CDH13: variants seen among roughly 807,000 people sequenced by gnomAD.
CDH13 encodes cadherin 13.
A neutral mutation model predicts 63.8 loss-of-function variants in CDH13; 24 were observed. The observed-to-expected ratio is 0.38, with a 90% confidence interval of 0.27 to 0.53. The LOEUF (loss-of-function observed/expected upper bound fraction) is 0.53, where lower values mean the gene tolerates loss of function less well. Ranked by LOEUF, CDH13 falls within the 20% of genes least tolerant of loss-of-function variation. The pLI is 0.85. For missense variants in CDH13, 1,049 were observed against 903.1 expected (o/e 1.16, Z -2.07); for synonymous variants, 503 against 355.3 (o/e 1.42, Z -4.67).
At chr16:83,094,443 G>C (rs12928063) in intron 3 of CDH13, among the ~76,000 whole-genome samples, 4 of 152,026 alleles carry the variant, frequency 2.6e-5, no homozygotes, top group Non-Finnish European at 5.9e-5. Context: ...ACCCTGCAGA[G>C]AGCTTTAAGA....
intron 2 of CDH13, among the ~76,000 whole-genome samples, chr16:82,903,605 C>G (rs1400550016): frequency 6.6e-6 from 1 of 152,172 alleles, no homozygotes; most frequent in Non-Finnish European, 1.5e-5. Flanking sequence ...TAGTCGTGAG[C>G]TAACTGGAAA....
At chr16:83,003,717 G>A (rs191794359) in intron 2 of CDH13, among the ~76,000 whole-genome samples, 5 of 152,332 alleles carry the variant, frequency 3.3e-5, no homozygotes, top group East Asian at 1.9e-4. Flanking sequence ...TTAGAGCACA[G>A]AGAAGATTAC....
chr16:83,149,622 C>T (rs559622529), intron 4 of CDH13, among the ~76,000 whole-genome samples: 1 of 152,258 alleles, frequency 6.6e-6, no homozygotes, highest in East Asian at 1.9e-4. Context: ...ACTAAACATT[C>T]AAAACAGTGG....
At chr16:82,670,522 C>G (rs939711612) in intron 1 of CDH13, among the ~76,000 whole-genome samples, 4 of 152,152 alleles carry the variant, frequency 2.6e-5, no homozygotes, top group African/African-American at 7.2e-5. Context: ...CCATGCACTA[C>G]CCAGGTTTGC....
chr16:83,742,408 T>C (rs566358170), intron 10 of CDH13, among the ~76,000 whole-genome samples: 19 of 152,262 alleles, frequency 1.2e-4, no homozygotes, highest in Non-Finnish European at 2.2e-4. Context: ...CAGGCTGAAA[T>C]GAGCTCAGCT....
intron 8 of CDH13, among the ~76,000 whole-genome samples, chr16:83,645,868 A>G (rs1389759420): frequency 6.6e-6 from 1 of 152,212 alleles, no homozygotes. Flanking sequence ...AAGATCCTTC[A>G]TCATACACAA....
chr16:83,417,914 C>G (rs1020385224), intron 6 of CDH13, among the ~76,000 whole-genome samples: 2 of 152,074 alleles, frequency 1.3e-5, no homozygotes, highest in Non-Finnish European at 1.5e-5. Context: ...GAAATCATAA[C>G]TGTTTTCCCC....
At chr16:83,669,793 C>T (rs1567502097) in intron 8 of CDH13, among the ~76,000 whole-genome samples, 1 of 152,188 alleles carries the variant, frequency 6.6e-6, no homozygotes, top group Non-Finnish European at 1.5e-5. Flanking sequence ...TCTCTAGATT[C>T]ACTTTCCTAC....
chr16:83,174,334 T>C (rs75726537), intron 4 of CDH13, among the ~76,000 whole-genome samples: 5,502 of 152,242 alleles, frequency 0.036, 322 homozygotes, highest in African/African-American at 0.12. Flanking sequence ...CCCATCTTCT[T>C]ACTTGGCACT....
intron 1 of CDH13, among the ~76,000 whole-genome samples, chr16:82,635,068 G>C (rs866684677): frequency 6.6e-6 from 1 of 152,178 alleles, no homozygotes; most frequent in African/African-American, 2.4e-5. Context: ...AGCTGTGTGA[G>C]GTCATGCCGT....
chr16:83,107,854 C>G (rs1048453207), intron 3 of CDH13, among the ~76,000 whole-genome samples: 1 of 151,462 alleles, frequency 6.6e-6, no homozygotes, highest in African/African-American at 2.4e-5. Flanking sequence ...GCATCTCGCT[C>G]TGTTGCCCAG....
At chr16:83,356,301 C>T (rs1216604287) in intron 6 of CDH13, among the ~76,000 whole-genome samples, 1 of 148,546 alleles carries the variant, frequency 6.7e-6, no homozygotes, top group Admixed American at 6.8e-5. Flanking sequence ...ACCAACCTTC[C>T]TTAGTCATTT....
intron 7 of CDH13, among the ~76,000 whole-genome samples, chr16:83,570,141 G>T (rs754907247): frequency 2.6e-5 from 4 of 152,126 alleles, no homozygotes; most frequent in Admixed American, 6.5e-5. Context: ...AAGCTCTATT[G>T]TTGGCCAGAA....
chr16:82,846,517 A>T (rs2039263478), intron 1 of CDH13, among the ~76,000 whole-genome samples: 1 of 152,196 alleles, frequency 6.6e-6, no homozygotes, highest in Admixed American at 6.5e-5. Flanking sequence ...CAGATGAGGA[A>T]ACTAAGGCAA....
At chr16:83,339,613 G>A (rs953684024) in intron 5 of CDH13, among the ~76,000 whole-genome samples, 13 of 152,106 alleles carry the variant, frequency 8.5e-5, no homozygotes, top group African/African-American at 2.9e-4. Flanking sequence ...CGGATCTGGT[G>A]TGTCAGCAGG....
chr16:83,475,549 G>C (rs763215666), intron 6 of CDH13, among the ~76,000 whole-genome samples: 4 of 152,118 alleles, frequency 2.6e-5, no homozygotes, highest in Non-Finnish European at 4.4e-5. Context: ...TCTCATTCTA[G>C]CCTAGCCTAA....
chr16:82,806,009 G>A (rs753542718), intron 1 of CDH13, among the ~76,000 whole-genome samples: 50 of 152,088 alleles, frequency 3.3e-4, no homozygotes, highest in Admixed American at 2.2e-3. Context: ...TTTTCATTGA[G>A]CTTACAAGGC....
intron 2 of CDH13, chr16:82,859,198 A>G (rs1378617231): frequency 6.6e-6 from 1 of 152,292 alleles, no homozygotes; most frequent in African/African-American, 2.4e-5. Flanking sequence ...TAGCTATTTC[A>G]TTGTAGGCTC....
intron 6 of CDH13, among the ~76,000 whole-genome samples, chr16:83,351,886 A>G (rs913011683): frequency 7.9e-5 from 12 of 152,174 alleles, no homozygotes; most frequent in Non-Finnish European, 1.5e-4. Context: ...AAACATACTG[A>G]TGGATATTTT....
Sources: gnomAD v4.1 joint callset for allele counts (sites outside exome capture counted in the v4.1 genomes callset) on GRCh38, gnomAD v4.1.1 for gene constraint, MANE v1.5 for transcripts, NCBI Gene and HGNC (gene_info 2026-07-23, HGNC 2026-07-21) for gene names.